Variants in RBM41 observed in about 807,000 individuals in gnomAD.
RBM41 encodes the protein RNA-binding protein 41.
In RBM41, 14 loss-of-function variants were observed where a neutral mutation model predicts 30.8. The observed-to-expected ratio is 0.45, with a 90% CI of 0.30 to 0.71. RBM41 has a LOEUF of 0.71. RBM41 is among the 30% of genes least tolerant of loss of function. The pLI, the probability that RBM41 is intolerant of heterozygous loss-of-function variation, is 0.08. For synonymous variants in RBM41, 120 were observed against 110.1 expected, an observed-to-expected ratio of 1.09 and a Z score of -0.56; for missense variants, 276 against 326.3, an observed-to-expected ratio of 0.85 and a Z score of 1.19.
chrX:107,096,474 AT>A (rs1922972153), intron 5 of RBM41, among the ~76,000 whole-genome samples: 2 of 112,236 alleles, frequency 1.8e-5, no homozygotes, highest in African/African-American at 6.5e-5. Flanking sequence ...TGGTCAATTG[AT>A]TTTTCCACAA....
chrX:107,067,591 T>C lies in RBM41; in HGVS notation c.1250A>G (p.Asn417Ser), dbSNP rs201179450. The C allele has an allele frequency of 8.0e-5, 97 of 1,209,372 alleles. No individual in the cohort carries two copies. The highest frequency in any genetic ancestry group is 1.0e-4 in the Non-Finnish European group (91 of 894,756). ...TGATATGAGAGAAGTCGCTTGGAGATTTGACCGTTGCTTTTTGTTCTTTCC... is the reference window on the plus strand; with the variant it reads ...TGATATGAGAGAAGTCGCTTGGAGACTTGACCGTTGCTTTTTGTTCTTTCC... Reference protein sequence around the residue: ...EFGKNKKQRSNLQATSLISCA... With the variant: ...EFGKNKKQRSSLQATSLISCA... Residue 417 changes from asparagine (N) to serine (S), a missense_variant, in exon 8 of 8, where the codon AAT (asparagine) becomes AGT (serine). Asn to Ser is a conservative substitution (Grantham distance 46). Transcript: ENST00000685964.
Position 107,116,945 on chromosome X carries a change from G to C in RBM41, c.9-179C>G, listed in dbSNP as rs577191706. Among the ~76,000 whole-genome samples, 44 of 112,525 alleles carry C rather than the reference G, an allele frequency of 3.9e-4. No individual in the cohort carries two copies. The South Asian group carries it at 0.016, about 41-fold the overall frequency. ...TTACTAAATACCTGTTTACACAGAA[G>C]GCACTATGCTAGGTACTGAGGGAAG... On this transcript the variant is annotated intron_variant, in intron 1 of 7. Transcript: ENST00000685964.
At chrX:107,081,916 G>A (rs1026401084) in intron 6 of RBM41, among the ~76,000 whole-genome samples, 1 of 111,567 alleles carries the variant, frequency 9.0e-6, no homozygotes, top group Admixed American at 9.5e-5. Flanking sequence ...TTGTTTTTTG[G>A]CTGATTCTTT....
chrX:107,077,817 T>G (rs1023582329), intron 6 of RBM41, among the ~76,000 whole-genome samples: 2 of 111,747 alleles, frequency 1.8e-5, no homozygotes, highest in Non-Finnish European at 3.8e-5. Context: ...TCTTTAAAAA[T>G]GGATTTTAAT....
intron 5 of RBM41, among the ~76,000 whole-genome samples, chrX:107,110,994 A>G (rs1435980387): frequency 2.7e-5 from 3 of 111,587 alleles, no homozygotes; most frequent in Non-Finnish European, 5.7e-5. Context: ...TGGATTTGGC[A>G]ATGATTTCTT....
At position 107,117,097 on chromosome X, in the gene RBM41, T is replaced by C. The variant is rs891394947; in HGVS notation, c.9-331A>G. ...GGGGGGAGGAGAGAATAATAACACATAGAAGCATATGCCAAATTAGTAGAA... is the reference window on the plus strand; with the variant it reads ...GGGGGGAGGAGAGAATAATAACACACAGAAGCATATGCCAAATTAGTAGAA... On this transcript the variant is annotated intron_variant, in intron 1 of 7. Coordinates refer to ENST00000685964, the MANE Select transcript of RBM41 (RefSeq NM_001324242.2). 3.3e-4 allele frequency among the ~76,000 whole-genome samples: 37 copies of C among 111,356 alleles called. 1 individual carries two copies.
intron 5 of RBM41, among the ~76,000 whole-genome samples, chrX:107,108,154 T>C (rs1000471365): frequency 8.9e-6 from 1 of 111,831 alleles, no homozygotes; most frequent in African/African-American, 3.2e-5. Flanking sequence ...ACTTAATAAT[T>C]GTGATCTTAA....
At chrX:107,090,514 G>T (rs903360849) in intron 5 of RBM41, among the ~76,000 whole-genome samples, 11 of 111,935 alleles carry the variant, frequency 9.8e-5, no homozygotes, top group African/African-American at 3.6e-4. Context: ...CTTAAGACCA[G>T]TGGGAGCCCC....
At chrX:107,112,066 C>T (rs1924533461) in intron 5 of RBM41, among the ~76,000 whole-genome samples, 1 of 111,079 alleles carries the variant, frequency 9.0e-6, no homozygotes, top group South Asian at 3.7e-4. Context: ...AAAGTTTGCC[C>T]TGCAAAAGAC....
At chrX:107,078,505 A>C (rs1921199830) in intron 6 of RBM41, among the ~76,000 whole-genome samples, 1 of 112,085 alleles carries the variant, frequency 8.9e-6, no homozygotes. Context: ...TTGTTGCACA[A>C]ATTGTTCCAG....
At chrX:107,101,923 T>C (rs1348586173) in intron 5 of RBM41, among the ~76,000 whole-genome samples, 1 of 111,402 alleles carries the variant, frequency 9.0e-6, no homozygotes, top group Non-Finnish European at 1.9e-5. Context: ...CTATATTACA[T>C]TGAGGAGATT....
the RBM41 span, among the ~76,000 whole-genome samples, chrX:107,053,385 T>C: frequency 1.8e-5 from 2 of 113,105 alleles, no homozygotes; most frequent in African/African-American, 3.2e-5. Flanking sequence ...ACCTGATGCA[T>C]TGGGAGCTGG....
At chrX:107,082,426 CTCAA>C (rs1402433841) in intron 6 of RBM41, among the ~76,000 whole-genome samples, 3 of 111,072 alleles carry the variant, frequency 2.7e-5, no homozygotes, top group Non-Finnish European at 5.7e-5. Flanking sequence ...ATTTTGATTT[CTCAA>C]TCAATATTTC....
intron 5 of RBM41, among the ~76,000 whole-genome samples, chrX:107,090,632 T>C: frequency 9.0e-6 from 1 of 110,746 alleles, no homozygotes; most frequent in Non-Finnish European, 1.9e-5. Context: ...GTAGGGACCC[T>C]TGGTTCCTTT....
At chrX:107,087,884 G>A (rs1922182449) in intron 6 of RBM41, among the ~76,000 whole-genome samples, 1 of 112,535 alleles carries the variant, frequency 8.9e-6, no homozygotes, top group Admixed American at 9.4e-5. Context: ...TTACAGGCAT[G>A]AGCCACCACA....
the RBM41 span, among the ~76,000 whole-genome samples, chrX:107,053,671 T>C: frequency 2.8e-4 from 31 of 110,866 alleles, no homozygotes; most frequent in South Asian, 1.6e-3. Context: ...GAGGGTTTCA[T>C]GTAGTTTTGA....
chrX:107,118,754 A>G lies in RBM41; in HGVS notation c.8+12T>C. ...GCTCCCCTTGCCGCCTGCTCTTCAGACAAGTCCTTACCTCTTCATGTTTCC... is the reference window on the plus strand; with the variant it reads ...GCTCCCCTTGCCGCCTGCTCTTCAGGCAAGTCCTTACCTCTTCATGTTTCC... On this transcript the variant is annotated intron_variant, in intron 1 of 7. Coordinates refer to ENST00000685964, the MANE Select transcript of RBM41 (RefSeq NM_001324242.2). 8.3e-7 allele frequency: 1 copy of G among 1,211,710 alleles called. No individual in the cohort carries two copies. Among genetic ancestry groups the G allele is most frequent in the Non-Finnish European group, 1.1e-6 (1 of 895,427 alleles).
At chrX:107,084,691 C>T (rs755211104) in intron 6 of RBM41, among the ~76,000 whole-genome samples, 57 of 111,357 alleles carry the variant, frequency 5.1e-4, no homozygotes, top group Non-Finnish European at 7.9e-4. Flanking sequence ...GGCTCCAGTG[C>T]GTTTTGCTCC....
chrX:107,072,979 T>A (rs1936115988), intron 6 of RBM41, among the ~76,000 whole-genome samples: 2 of 110,699 alleles, frequency 1.8e-5, no homozygotes, highest in African/African-American at 6.6e-5. Context: ...TCTCATCCTA[T>A]ACAAAAATCA....
Sources: gnomAD v4.1 joint callset for allele counts (sites outside exome capture counted in the v4.1 genomes callset) on GRCh38, gnomAD v4.1.1 for gene constraint, MANE v1.5 for transcripts, NCBI Gene and HGNC (gene_info 2026-07-23, HGNC 2026-07-21) for gene names.